ZNF236: variants seen among roughly 807,000 people sequenced by gnomAD.
ZNF236 encodes zinc finger protein 236, also known as regulated by glucose.
ZNF236 carries 50 observed loss-of-function variants against 191.2 expected under a neutral mutation model. The observed-to-expected ratio is 0.26, with a 90% CI of 0.21 to 0.33. The LOEUF (loss-of-function observed/expected upper bound fraction) is 0.33. Among genes scored for constraint, ZNF236 ranks in the 10% least tolerant of loss-of-function variants. The pLI is 1.00. For missense variants in ZNF236, 1,754 were observed against 2,374.5 expected (o/e 0.74, Z 5.43); for synonymous variants, 907 against 928.8 (o/e 0.98, Z 0.43).
At position 76,912,286 on chromosome 18, in the gene ZNF236, C is replaced by T; in HGVS notation, c.2848C>T (p.Leu950=). The T allele has an allele frequency of 6.2e-7, 1 of 1,614,216 alleles. No individual in the cohort carries two copies. The highest frequency in any genetic ancestry group is 8.5e-7 in the Non-Finnish European group (1 of 1,180,042). ...IQESSQEELD[L]QAQGSQFLED... ...GGAGTCATCCCAAGAGGAACTGGACCTGCAGGCACAAGGTTCCCAGTTTCT... is the reference window on the plus strand; with the variant it reads ...GGAGTCATCCCAAGAGGAACTGGACTTGCAGGCACAAGGTTCCCAGTTTCT... Residue 950 remains leucine, a synonymous_variant, in exon 17 of 31, where the codon CTG becomes TTG. Coordinates refer to ENST00000320610, the MANE Select transcript of ZNF236 (RefSeq NM_001306089.2).
chr18:76,926,665 G>A (rs1158259716), intron 22 of ZNF236, among the ~76,000 whole-genome samples: 2 of 71,016 alleles, frequency 2.8e-5, no homozygotes, highest in Admixed American at 2.8e-4. Context: ...TGATTAGACT[G>A]TGTGTGTATA....
At chr18:76,943,592 A>G (rs777312658) in intron 26 of ZNF236, among the ~76,000 whole-genome samples, 6 of 152,228 alleles carry the variant, frequency 3.9e-5, no homozygotes, top group Non-Finnish European at 8.8e-5. Flanking sequence ...AAAACATTTA[A>G]AACTTTGTAT....
At chr18:76,834,267 A>G (rs139698815) in intron 1 of ZNF236, among the ~76,000 whole-genome samples, 129 of 151,868 alleles carry the variant, frequency 8.5e-4, no homozygotes, top group African/African-American at 2.8e-3. Flanking sequence ...AATTTTAACA[A>G]TCTTCTCAAA....
chr18:76,969,072 C>A lies in ZNF236; in HGVS notation c.*733C>A. 1 of 766,330 alleles carries A rather than the reference C, an allele frequency of 1.3e-6. No homozygotes were observed. Among genetic ancestry groups the A allele is most frequent in the Non-Finnish European group, 1.6e-6 (1 of 629,366 alleles). 47.5% of individuals were successfully genotyped at this position (766,330 alleles called of 1,614,324 possible). On this transcript the variant is annotated 3_prime_UTR_variant, in exon 31 of 31. Coordinates refer to ENST00000320610, the MANE Select transcript of ZNF236 (RefSeq NM_001306089.2). ...TTACCGCATCAATCTGTGTTCAGGTCCAGGGTTACATAATTGCAGAAGCAC... is the reference window on the plus strand; with the variant it reads ...TTACCGCATCAATCTGTGTTCAGGTACAGGGTTACATAATTGCAGAAGCAC...
intron 3 of ZNF236, among the ~76,000 whole-genome samples, chr18:76,853,759 C>T (rs1975952577): frequency 6.6e-6 from 1 of 151,916 alleles, no homozygotes; most frequent in African/African-American, 2.4e-5. Flanking sequence ...GTCTGTAATC[C>T]CAGCACTTTG....
At chr18:76,850,045 A>G (rs962592964) in intron 2 of ZNF236, among the ~76,000 whole-genome samples, 1 of 152,208 alleles carries the variant, frequency 6.6e-6, no homozygotes, top group Admixed American at 6.5e-5. Context: ...GCATTTAAAA[A>G]TGGTATTCTA....
rs148823626 is a variant in ZNF236, at chr18:76,835,984, T to C, written c.55+13322T>C. 5.7e-3 allele frequency among the ~76,000 whole-genome samples: 873 copies of C among 152,320 alleles called. 9 individuals are homozygous for C. Among genetic ancestry groups the C allele is most frequent in the Non-Finnish European group, 8.2e-3 (561 of 68,032 alleles). On this transcript the variant is annotated intron_variant, in intron 1 of 30. Transcript: ENST00000320610. ...GTGCATTGGCACAATCTTGGCCCAC[T>C]GCAACCTCCACCTCCTGGGTTCAAG...
intron 1 of ZNF236, among the ~76,000 whole-genome samples, chr18:76,838,261 C>A (rs568500856): frequency 1.3e-4 from 20 of 152,328 alleles, no homozygotes; most frequent in Non-Finnish European, 4.4e-5. Flanking sequence ...AACAACCAGT[C>A]TTTCTATCCC....
intron 27 of ZNF236, among the ~76,000 whole-genome samples, chr18:76,953,814 A>G (rs1283183175): frequency 6.6e-6 from 1 of 152,212 alleles, no homozygotes; most frequent in Non-Finnish European, 1.5e-5. Context: ...CGCTGGACGC[A>G]GAGGATGTTG....
In ZNF236 at chr18:76,915,822, C is replaced by T; in HGVS notation, c.3237C>T (p.Pro1079=). ...KKHMKRHQTV[P]SAVSATGETE... Reference sequence around the variant, plus strand: ...ACATGAAGAGACACCAAACAGTCCCCTCTGCTGTGTCAGCCACTGGAGAGA... The same window carrying T: ...ACATGAAGAGACACCAAACAGTCCCTTCTGCTGTGTCAGCCACTGGAGAGA... The change falls in exon 19 of 31, where the codon CCC becomes CCT. Residue 1079 remains proline (P), a synonymous_variant. Transcript: ENST00000320610. The T allele has an allele frequency of 6.2e-7, 1 of 1,614,162 alleles. No homozygotes were observed. Among genetic ancestry groups the T allele is most frequent in the South Asian group, 1.1e-5 (1 of 91,086 alleles).
At chr18:76,928,562 A>T (rs1422399175) in intron 25 of ZNF236, among the ~76,000 whole-genome samples, 2 of 152,210 alleles carry the variant, frequency 1.3e-5, no homozygotes, top group Non-Finnish European at 2.9e-5. Flanking sequence ...AACATTGAAA[A>T]GTAGATAAAC....
rs1454179591 is a variant in ZNF236, at chr18:76,871,812, T to C, written c.654T>C (p.Ile218=). 6.2e-7 allele frequency: 1 copy of C among 1,614,138 alleles called. No homozygotes were observed. The highest frequency in any genetic ancestry group is 1.1e-5 in the South Asian group (1 of 91,082). ...AGCCAAGCCAGTTAACGCGACACATTAGGATACACACAGGTATGAAAACAC... is the reference window on the plus strand; with the variant it reads ...AGCCAAGCCAGTTAACGCGACACATCAGGATACACACAGGTATGAAAACAC... ...FQKPSQLTRH[I]RIHTGERPFK... is the part of the protein sequence containing the mutation. The change falls in exon 5 of 31, where the codon ATT becomes ATC. Residue 218 remains isoleucine, a synonymous_variant. Coordinates refer to ENST00000320610, the MANE Select transcript of ZNF236 (RefSeq NM_001306089.2).
intron 30 of ZNF236, among the ~76,000 whole-genome samples, chr18:76,963,031 T>C (rs962336236): frequency 2.0e-5 from 3 of 152,212 alleles, no homozygotes; most frequent in African/African-American, 7.2e-5. Context: ...ACAGTGATAG[T>C]TTGACTTCCT....
intron 25 of ZNF236, among the ~76,000 whole-genome samples, chr18:76,931,866 A>G (rs1967860778): frequency 6.6e-6 from 1 of 152,144 alleles, no homozygotes; most frequent in Non-Finnish European, 1.5e-5. Flanking sequence ...GTTATTTTCC[A>G]ACTATGTATA....
At chr18:76,941,296 C>T (rs1968127890) in intron 26 of ZNF236, among the ~76,000 whole-genome samples, 1 of 152,206 alleles carries the variant, frequency 6.6e-6, no homozygotes, top group Non-Finnish European at 1.5e-5. Flanking sequence ...GCTGGCAGCT[C>T]AGGCTCCCTG....
At chr18:76,946,071 A>C (rs900967211) in intron 26 of ZNF236, among the ~76,000 whole-genome samples, 1 of 152,088 alleles carries the variant, frequency 6.6e-6, no homozygotes, top group Non-Finnish European at 1.5e-5. Flanking sequence ...TTTTTCCTCC[A>C]CTGTGTCTGA....
Position 76,908,350 on chromosome 18 carries a change from T to C in ZNF236, c.2328T>C (p.His776=). 1.2e-6 allele frequency: 2 copies of C among 1,613,996 alleles called. No homozygotes were observed. Among genetic ancestry groups the C allele is most frequent in the Non-Finnish European group, 1.7e-6 (2 of 1,179,920 alleles). The change falls in exon 14 of 31, where the codon CAT becomes CAC. Residue 776 remains histidine, a synonymous_variant. Coordinates refer to ENST00000320610, the MANE Select transcript of ZNF236 (RefSeq NM_001306089.2). The part of the protein sequence containing the change: ...RYELAQQLQQ[H]QQAASIDDST... ...AGCTTGCCCAGCAGCTCCAACAGCA[T>C]CAGCAGGCAGCCTCGATAGATGACA...
intron 3 of ZNF236, among the ~76,000 whole-genome samples, chr18:76,863,588 C>A (rs891471630): frequency 2.6e-5 from 4 of 151,526 alleles, no homozygotes; most frequent in Non-Finnish European, 4.4e-5. Context: ...AATTATTCTT[C>A]TTCTTTTTTT....
intron 9 of ZNF236, 137 bp downstream of exon 9, chr18:76,881,649 G>C: frequency 1.3e-6 from 1 of 777,112 alleles, no homozygotes; most frequent in Non-Finnish European, 2.0e-6. Flanking sequence ...TAGTTGGTTG[G>C]TATTTAAAAT....
Sources: gnomAD v4.1 joint callset for allele counts (sites outside exome capture counted in the v4.1 genomes callset) on GRCh38, gnomAD v4.1.1 for gene constraint, MANE v1.5 for transcripts, NCBI Gene and HGNC (gene_info 2026-07-23, HGNC 2026-07-21) for gene names.